Variants in CFAP54 observed in about 807,000 individuals in gnomAD.
CFAP54 encodes the protein cilia- and flagella-associated protein 54.
CFAP54 carries 290 observed loss-of-function variants against 370.4 expected under a neutral mutation model. The ratio of observed to expected loss-of-function variants is 0.78; its 90% CI spans 0.71 to 0.86. The LOEUF is 0.86. CFAP54 is among the 40% of genes least tolerant of loss of function. CFAP54 has a pLI of 0.00. For missense variants in CFAP54, 3,399 were observed against 3,528.7 expected (o/e 0.96, Z 0.93); for synonymous variants, 1,206 against 1,236.5 (o/e 0.98, Z 0.52).
chr12:96,526,897 T>G (rs907365095), intron 8 of CFAP54, among the ~76,000 whole-genome samples: 1 of 144,990 alleles, frequency 6.9e-6, no homozygotes, highest in South Asian at 2.4e-4. Flanking sequence ...TTTTTTTTTT[T>G]TTTTTTTTTT....
At chr12:96,773,950 T>C (rs549314667) in intron 60 of CFAP54, among the ~76,000 whole-genome samples, 1 of 152,340 alleles carries the variant, frequency 6.6e-6, no homozygotes, top group Non-Finnish European at 1.5e-5. Context: ...AAAAAGGTTA[T>C]GCCACTTTGT....
chr12:96,732,841 T>C (rs1375089663), intron 50 of CFAP54, among the ~76,000 whole-genome samples: 3 of 151,286 alleles, frequency 2.0e-5, no homozygotes, highest in Non-Finnish European at 4.4e-5. Flanking sequence ...ATTTTTACTA[T>C]ATAATTCTCT....
At chr12:96,610,853 A>G (rs1956350572) in intron 26 of CFAP54, among the ~76,000 whole-genome samples, 1 of 152,006 alleles carries the variant, frequency 6.6e-6, no homozygotes, top group Non-Finnish European at 1.5e-5. Flanking sequence ...GGCACCTGCC[A>G]TTGCTGAGGC....
At chr12:96,743,133 T>C (rs894916646) in intron 52 of CFAP54, among the ~76,000 whole-genome samples, 1 of 152,230 alleles carries the variant, frequency 6.6e-6, no homozygotes, top group African/African-American at 2.4e-5. Flanking sequence ...TGTATACCTA[T>C]CTATTCACTC....
At chr12:96,632,305 A>G (rs907061497) in intron 32 of CFAP54, among the ~76,000 whole-genome samples, 3 of 152,030 alleles carry the variant, frequency 2.0e-5, no homozygotes, top group Non-Finnish European at 2.9e-5. Context: ...ATGGAGTCAA[A>G]TATATCAATG....
intron 33 of CFAP54, among the ~76,000 whole-genome samples, chr12:96,644,629 G>C (rs572123136): frequency 1.3e-5 from 2 of 152,192 alleles, no homozygotes; most frequent in East Asian, 3.9e-4. Context: ...AGTTCCATTG[G>C]GGAGGGCTCA....
At chr12:96,731,177 C>G (rs1287463383) in intron 50 of CFAP54, among the ~76,000 whole-genome samples, 1 of 152,256 alleles carries the variant, frequency 6.6e-6, no homozygotes, top group Non-Finnish European at 1.5e-5. Flanking sequence ...GTAGTTACTG[C>G]TGTCTTCATT....
intron 32 of CFAP54, among the ~76,000 whole-genome samples, chr12:96,631,620 C>G (rs1022851654): frequency 6.7e-6 from 1 of 149,766 alleles, no homozygotes; most frequent in African/African-American, 2.4e-5. Flanking sequence ...TAGTGTAATG[C>G]GTTACATTAT....
Position 96,554,747 on chromosome 12 carries a change from T to G in CFAP54, c.2355T>G (p.Leu785=), listed in dbSNP as rs1274434191. The change falls in exon 17 of 68, where the codon CTT becomes CTG. Residue 785 remains leucine, a synonymous_variant. Transcript: ENST00000524981. ...ASNSFMMDLH[L]ELIQAQHRIA... ...ATAGTTTCATGATGGATTTGCATCTTGAACTAATTCAAGCTCAGCATCGAA... is the reference window on the plus strand; with the variant it reads ...ATAGTTTCATGATGGATTTGCATCTGGAACTAATTCAAGCTCAGCATCGAA... The G allele has an allele frequency of 8.5e-6, 13 of 1,535,078 alleles. No individual in the cohort carries two copies. The South Asian group carries it at 1.4e-4, about 17-fold the overall frequency.
intron 62 of CFAP54, among the ~76,000 whole-genome samples, chr12:96,787,711 A>G (rs1291256561): frequency 1.3e-5 from 2 of 152,216 alleles, no homozygotes; most frequent in Non-Finnish European, 2.9e-5. Flanking sequence ...GTCCCTGTAC[A>G]TATAGTCTCA....
At chr12:96,863,691 C>T (rs904415754) in intron 67 of CFAP54, among the ~76,000 whole-genome samples, 1 of 152,138 alleles carries the variant, frequency 6.6e-6, no homozygotes, top group Non-Finnish European at 1.5e-5. Context: ...ATGGATGCCC[C>T]AATAATCCAT....
rs2136425649 is a variant in CFAP54 at position 96,581,102 on chromosome 12, A to G, written c.3072A>G (p.Thr1024=). 6.9e-7 allele frequency: 1 copy of G among 1,457,768 alleles called. No homozygotes were observed. The highest frequency in any genetic ancestry group is 1.4e-5 in the South Asian group (1 of 72,478). The allele number at this position is 1,457,768 out of a possible 1,614,324, so 90.3% of individuals were successfully genotyped here. The change falls in exon 22 of 68, where the codon ACA becomes ACG. Residue 1024 remains threonine (T), a synonymous_variant. Coordinates refer to ENST00000524981, the MANE Select transcript of CFAP54 (RefSeq NM_001306084.2). ...LSTITARMFL[T]QVAYQVGNYE... is the part of the protein sequence containing the mutation. The stretch of plus-strand genomic sequence containing the variant: ...CTATTACTGCTCGGATGTTCCTGAC[A>G]CAGGTAGAAAAGATTTCTGCTAATT...
chr12:96,848,621 C>G (rs1480799335), intron 66 of CFAP54, among the ~76,000 whole-genome samples: 1 of 152,134 alleles, frequency 6.6e-6, no homozygotes, highest in African/African-American at 2.4e-5. Flanking sequence ...TCACTTGAAC[C>G]TGGGAGGTGG....
rs547557284 is a variant in CFAP54 at position 96,489,605 on chromosome 12, T to G, written c.-5T>G. On this transcript the variant is annotated 5_prime_UTR_variant, in exon 1 of 68. Coordinates refer to ENST00000524981, the MANE Select transcript of CFAP54 (RefSeq NM_001306084.2). Reference sequence around the variant, plus strand: ...CATACTCCAGGCGGGCCGGGGCGCGTCAATATGGCGGCGCAGGGCTCCCCC... The same window carrying G: ...CATACTCCAGGCGGGCCGGGGCGCGGCAATATGGCGGCGCAGGGCTCCCCC... 4 of 1,512,768 alleles carry G rather than the reference T, an allele frequency of 2.6e-6. No homozygotes were observed. In the South Asian group the frequency reaches 4.8e-5, roughly 18 times the overall value. The allele number at this position is 1,512,768 out of a possible 1,614,324, so 93.7% of individuals were successfully genotyped here.
chr12:96,571,917 C>G (rs1442484938), intron 19 of CFAP54, among the ~76,000 whole-genome samples: 3 of 152,164 alleles, frequency 2.0e-5, no homozygotes, highest in Non-Finnish European at 4.4e-5. Flanking sequence ...TCTGATTTAC[C>G]TAAATCAAGG....
chr12:96,702,032 T>C (rs1016813570), intron 46 of CFAP54, among the ~76,000 whole-genome samples: 2 of 152,026 alleles, frequency 1.3e-5, no homozygotes, highest in Non-Finnish European at 2.9e-5. Flanking sequence ...TTGAGATGAT[T>C]GTGCCGAAGG....
intron 63 of CFAP54, among the ~76,000 whole-genome samples, chr12:96,809,624 GTTAGTT>G (rs1958912226): frequency 6.6e-6 from 1 of 152,030 alleles, no homozygotes; most frequent in African/African-American, 2.4e-5. Context: ...TTTCCCTTCT[GTTAGTT>G]TTAGTTTTTG....
chr12:96,722,480 G>A (rs1957769153), intron 50 of CFAP54, among the ~76,000 whole-genome samples: 1 of 152,230 alleles, frequency 6.6e-6, no homozygotes, highest in African/African-American at 2.4e-5. Context: ...GGGGTGGAGT[G>A]AGTGAGGGGC....
intron 26 of CFAP54, among the ~76,000 whole-genome samples, chr12:96,610,188 A>G (rs1036028057): frequency 1.3e-5 from 2 of 152,258 alleles, no homozygotes; most frequent in African/African-American, 2.4e-5. Context: ...AAAGGTAGCA[A>G]TTTGATTCAT....
Sources: gnomAD v4.1 joint callset for allele counts (sites outside exome capture counted in the v4.1 genomes callset) on GRCh38, gnomAD v4.1.1 for gene constraint, MANE v1.5 for transcripts, NCBI Gene and HGNC (gene_info 2026-07-23, HGNC 2026-07-21) for gene names.